Variants in FAT3 observed in about 807,000 individuals in gnomAD.
The protein encoded by FAT3 is protocadherin Fat 3.
FAT3 carries 95 observed loss-of-function variants against 310.2 expected under a neutral mutation model. The observed-to-expected ratio is 0.31, with a 90% confidence interval of 0.26 to 0.36. FAT3 has a LOEUF of 0.36. Ranked by LOEUF, FAT3 falls within the 10% of genes least tolerant of loss-of-function variation. The pLI is 1.00. For synonymous variants in FAT3, 2,314 were observed against 2,192.9 expected, an observed-to-expected ratio of 1.06 and a Z score of -1.54; for missense variants, 5,408 against 5,715.6, an observed-to-expected ratio of 0.95 and a Z score of 1.74.
intron 3 of FAT3, among the ~76,000 whole-genome samples, chr11:92,585,243 C>T (rs2135544582): frequency 6.6e-6 from 1 of 152,110 alleles, no homozygotes; most frequent in South Asian, 2.1e-4. Context: ...TTCAATGTTT[C>T]AAATATTGGT....
chr11:92,573,168 C>T (rs747140457), intron 3 of FAT3, among the ~76,000 whole-genome samples: 1 of 152,056 alleles, frequency 6.6e-6, no homozygotes, highest in Non-Finnish European at 1.5e-5. Flanking sequence ...TTCTCATAAG[C>T]CAACATACTA....
chr11:92,773,923 C>T, intron 6 of FAT3, 118 bp from the exon 7 acceptor site: 3 of 989,984 alleles, frequency 3.0e-6, no homozygotes, highest in Non-Finnish European at 4.5e-6. Flanking sequence ...CAAAATTGAG[C>T]CATAGGGATG....
At chr11:92,547,069 T>A (rs1356063498) in intron 3 of FAT3, among the ~76,000 whole-genome samples, 3 of 152,126 alleles carry the variant, frequency 2.0e-5, no homozygotes, top group African/African-American at 7.2e-5. Flanking sequence ...AGCAGATAGG[T>A]AACATTAGGG....
At chr11:92,846,394 A>G (rs1948685651) in intron 19 of FAT3, among the ~76,000 whole-genome samples, 1 of 152,204 alleles carries the variant, frequency 6.6e-6, no homozygotes, top group Non-Finnish European at 1.5e-5. Context: ...ACTTGCTGTA[A>G]CAGTGCTACA....
At chr11:92,742,769 T>C (rs1397226076) in intron 4 of FAT3, among the ~76,000 whole-genome samples, 1 of 152,218 alleles carries the variant, frequency 6.6e-6, no homozygotes, top group Non-Finnish European at 1.5e-5. Context: ...CCAAATAAAC[T>C]TCTATTGTTT....
At chr11:92,579,437 T>C (rs1938668294) in intron 3 of FAT3, among the ~76,000 whole-genome samples, 1 of 152,132 alleles carries the variant, frequency 6.6e-6, no homozygotes, top group Non-Finnish European at 1.5e-5. Context: ...TTGATTAAAT[T>C]TATGAAATCT....
At chr11:92,278,544 A>G (rs1036458194) in intron 1 of FAT3, among the ~76,000 whole-genome samples, 5 of 152,094 alleles carry the variant, frequency 3.3e-5, no homozygotes, top group African/African-American at 1.2e-4. Context: ...TGGAAGTTGC[A>G]TTGTGTAGAC....
chr11:92,466,764 G>C (rs1397650425), intron 2 of FAT3, among the ~76,000 whole-genome samples: 1 of 121,800 alleles, frequency 8.2e-6, no homozygotes, highest in Non-Finnish European at 1.6e-5. Context: ...CCCAGAGTGT[G>C]ATGTTCCGCT....
intron 2 of FAT3, among the ~76,000 whole-genome samples, chr11:92,485,693 A>C (rs987507253): frequency 9.2e-5 from 14 of 152,178 alleles, no homozygotes; most frequent in African/African-American, 3.1e-4. Context: ...CATATACACT[A>C]AATACCATAA....
chr11:92,842,882 TAAATAAACAAAAC>T (rs1948586666), intron 18 of FAT3, among the ~76,000 whole-genome samples: 1 of 152,108 alleles, frequency 6.6e-6, no homozygotes, highest in Non-Finnish European at 1.5e-5. Flanking sequence ...ACCATGCCTC[TAAATAAACAAAAC>T]AAATAAACAA....
chr11:92,719,310 C>G (rs557875662), intron 4 of FAT3, among the ~76,000 whole-genome samples: 79 of 152,208 alleles, frequency 5.2e-4, no homozygotes, highest in East Asian at 3.9e-3. Flanking sequence ...TTCCCTTACC[C>G]TAGATTTTCT....
intron 2 of FAT3, among the ~76,000 whole-genome samples, chr11:92,430,379 C>T (rs963650244): frequency 2.0e-5 from 3 of 152,092 alleles, no homozygotes; most frequent in Non-Finnish European, 2.9e-5. Context: ...CCCTTGCTGG[C>T]GAGGAGTTGT....
intron 4 of FAT3, among the ~76,000 whole-genome samples, chr11:92,728,340 A>G (rs940111177): frequency 3.3e-5 from 5 of 152,168 alleles, no homozygotes; most frequent in African/African-American, 1.2e-4. Flanking sequence ...GGAGGAAACT[A>G]TGTATGCCCT....
intron 2 of FAT3, among the ~76,000 whole-genome samples, chr11:92,483,913 A>G (rs1952303068): frequency 6.6e-6 from 1 of 152,222 alleles, no homozygotes; most frequent in Non-Finnish European, 1.5e-5. Context: ...TCAAGTTGCA[A>G]TTACCAGGTC....
intron 4 of FAT3, among the ~76,000 whole-genome samples, chr11:92,736,024 A>G (rs1945334922): frequency 6.6e-6 from 1 of 152,168 alleles, no homozygotes; most frequent in Non-Finnish European, 1.5e-5. Flanking sequence ...TTCTTATGGC[A>G]AACCTGTCTG....
intron 1 of FAT3, among the ~76,000 whole-genome samples, chr11:92,229,857 A>G (rs1235504830): frequency 6.7e-6 from 1 of 149,354 alleles, no homozygotes; most frequent in East Asian, 2.0e-4. Context: ...ATTAACTGGC[A>G]TGATGATAGA....
intron 1 of FAT3, among the ~76,000 whole-genome samples, chr11:92,239,352 C>T (rs11019882): frequency 2.0e-5 from 3 of 152,008 alleles, no homozygotes; most frequent in Admixed American, 6.6e-5. Flanking sequence ...CTTCAAACAT[C>T]TGCACGTGCA....
At chr11:92,456,295 A>C (rs1487913687) in intron 2 of FAT3, among the ~76,000 whole-genome samples, 1 of 152,190 alleles carries the variant, frequency 6.6e-6, no homozygotes, top group Admixed American at 6.5e-5. Flanking sequence ...TGTTTATAAT[A>C]TTATTACTTA....
Position 92,355,401 on chromosome 11 carries a change from A to C in FAT3, c.3289A>C (p.Ser1097Arg). Residue 1097 changes from serine to arginine, a missense_variant, in exon 2 of 28, where the codon AGT becomes CGT. This residue lies in a region of FAT3 where 4,588 missense variants were observed against 4,809.8 expected (regional missense o/e 0.95). Transcript: ENST00000525166. ...GLGRFSIDDE[S>R]GVITAADILD... is the part of the protein sequence containing the mutation. ...TGGAAGGTTCAGTATAGACGACGAG[A>C]GTGGTAAGTGTAATATTTTGTGCCA... 1 of 1,605,954 alleles carries C rather than the reference A, an allele frequency of 6.2e-7. No individual in the cohort carries two copies.
Sources: allele counts gnomAD v4.1 joint callset (sites outside exome capture counted in the v4.1 genomes callset), GRCh38; gene constraint gnomAD v4.1.1; regional missense constraint gnomAD v4.1.1; transcripts MANE v1.5; gene names NCBI Gene and HGNC (gene_info 2026-07-23, HGNC 2026-07-21).